The following NKAIN2 variants were observed in gnomAD, a reference collection of about 807,000 sequenced individuals.
The protein encoded by NKAIN2 is sodium/potassium transporting ATPase interacting 2.
A neutral mutation model predicts 32.6 loss-of-function variants in NKAIN2; 14 were observed. The observed-to-expected ratio is 0.43, with a 90% confidence interval of 0.28 to 0.67. NKAIN2 has a LOEUF of 0.67. Among genes scored for constraint, NKAIN2 ranks in the 30% least tolerant of loss-of-function variants. The pLI is 0.17. For synonymous variants in NKAIN2, 80 were observed against 87.2 expected (o/e 0.92, Z 0.46); for missense variants, 198 against 258.3 (o/e 0.77, Z 1.60).
intron 1 of NKAIN2, among the ~76,000 whole-genome samples, chr6:124,265,009 T>A (rs1794426111): frequency 6.6e-6 from 1 of 152,176 alleles, no homozygotes; most frequent in South Asian, 2.1e-4. Flanking sequence ...CAGGTCCACA[T>A]CCAAATTATA....
chr6:124,506,270 T>G (rs1778477870), intron 3 of NKAIN2, among the ~76,000 whole-genome samples: 1 of 152,238 alleles, frequency 6.6e-6, no homozygotes, highest in Admixed American at 6.5e-5. Context: ...AGGTGTTGAA[T>G]TCAAAAGTTA....
intron 1 of NKAIN2, among the ~76,000 whole-genome samples, chr6:124,131,223 C>T (rs983123512): frequency 2.6e-5 from 4 of 152,142 alleles, no homozygotes; most frequent in African/African-American, 4.8e-5. Context: ...TGGCTCACTG[C>T]AACCTCTGCC....
chr6:124,402,777 A>G (rs1317285036), intron 3 of NKAIN2, among the ~76,000 whole-genome samples: 1 of 152,184 alleles, frequency 6.6e-6, no homozygotes, highest in African/African-American at 2.4e-5. Flanking sequence ...CAAAGAAGGG[A>G]GTAACAGACA....
At chr6:124,231,865 A>ATG (rs966536106) in intron 1 of NKAIN2, among the ~76,000 whole-genome samples, 6 of 151,372 alleles carry the variant, frequency 4.0e-5, no homozygotes, top group African/African-American at 1.2e-4. Flanking sequence ...AAATATACAT[A>ATG]TATATATACT....
At chr6:124,638,887 CAAAAAA>C (rs35802663) in intron 3 of NKAIN2, among the ~76,000 whole-genome samples, 7 of 82,632 alleles carry the variant, frequency 8.5e-5, no homozygotes, top group African/African-American at 2.6e-4. Context: ...GAGACTCTGT[CAAAAAA>C]AAAAAAAAAA....
rs73565620 is a variant in NKAIN2, at chr6:124,279,642, C to A, written c.55-3363C>A. Among the ~76,000 whole-genome samples, 955 of 150,542 alleles carry A rather than the reference C, an allele frequency of 6.3e-3. 10 individuals are homozygous for A. The highest frequency in any genetic ancestry group is 0.022 in the African/African-American group (901 of 40,960). ...TGAACTGTAGGTCAGTTTATAGATA[C>A]AAAAATCCCAAATAAAATTTTATTT... On this transcript the variant is annotated intron_variant, in intron 1 of 6. Transcript: ENST00000368417.
chr6:124,689,753 C>T (rs1014665533), intron 4 of NKAIN2, among the ~76,000 whole-genome samples: 2 of 152,054 alleles, frequency 1.3e-5, no homozygotes, highest in Non-Finnish European at 2.9e-5. Flanking sequence ...GTTTCTGTAA[C>T]AAAGATTAGT....
chr6:124,772,425 A>G (rs760736699), intron 4 of NKAIN2, among the ~76,000 whole-genome samples: 11 of 152,188 alleles, frequency 7.2e-5, no homozygotes, highest in Non-Finnish European at 8.8e-5. Flanking sequence ...TGAGACACAC[A>G]GAGTTTTTCC....
chr6:124,643,501 T>C (rs1784063980), intron 3 of NKAIN2, among the ~76,000 whole-genome samples: 1 of 152,198 alleles, frequency 6.6e-6, no homozygotes, highest in Admixed American at 6.5e-5. Context: ...ACTTATCAAA[T>C]ACTTTCTTAT....
chr6:124,690,029 T>G (rs1406909649), intron 4 of NKAIN2, among the ~76,000 whole-genome samples: 2 of 152,166 alleles, frequency 1.3e-5, no homozygotes, highest in East Asian at 3.8e-4. Flanking sequence ...ATTGAATTCA[T>G]AGATCAAGTT....
At chr6:124,148,198 G>GTAATCACA (rs1294068701) in intron 1 of NKAIN2, among the ~76,000 whole-genome samples, 1 of 151,976 alleles carries the variant, frequency 6.6e-6, no homozygotes, top group East Asian at 1.9e-4. Context: ...TGTAGCATTA[G>GTAATCACA]AGAGTTTGCA....
intron 1 of NKAIN2, among the ~76,000 whole-genome samples, chr6:123,859,637 C>G (rs1298338219): frequency 6.6e-6 from 1 of 152,198 alleles, no homozygotes; most frequent in Non-Finnish European, 1.5e-5. Context: ...ATCTGTAACA[C>G]TCTCACATTC....
chr6:124,676,416 G>A (rs1773357609), intron 4 of NKAIN2, among the ~76,000 whole-genome samples: 1 of 151,944 alleles, frequency 6.6e-6, no homozygotes, highest in Admixed American at 6.6e-5. Flanking sequence ...TATTGAATGT[G>A]GGGTATTGAA....
intron 1 of NKAIN2, among the ~76,000 whole-genome samples, chr6:124,034,688 G>T (rs970277973): frequency 6.6e-6 from 1 of 151,966 alleles, no homozygotes; most frequent in African/African-American, 2.4e-5. Context: ...TCTTTGAGAA[G>T]TATCCATAGT....
intron 1 of NKAIN2, among the ~76,000 whole-genome samples, chr6:123,849,958 T>TG (rs1217052646): frequency 1.1e-5 from 1 of 87,108 alleles, no homozygotes; most frequent in Non-Finnish European, 2.4e-5. Context: ...GGTTTTTTTT[T>TG]TTTGTTTGTT....
intron 1 of NKAIN2, among the ~76,000 whole-genome samples, chr6:124,219,479 T>C (rs1296943992): frequency 1.3e-5 from 2 of 151,972 alleles, no homozygotes; most frequent in African/African-American, 4.8e-5. Context: ...GGTTTCACCA[T>C]GTTGGCCAGG....
chr6:124,706,754 C>G (rs950301427), intron 4 of NKAIN2, among the ~76,000 whole-genome samples: 1 of 152,122 alleles, frequency 6.6e-6, no homozygotes. Context: ...CTTAATCTGG[C>G]ATGTAATGAC....
chr6:124,140,183 CT>C (rs2114325756), intron 1 of NKAIN2, among the ~76,000 whole-genome samples: 1 of 152,274 alleles, frequency 6.6e-6, no homozygotes, highest in East Asian at 1.9e-4. Flanking sequence ...ATCTTTGCCC[CT>C]GAGACCTTCC....
At chr6:124,520,017 G>T (rs879216854) in intron 3 of NKAIN2, among the ~76,000 whole-genome samples, 1 of 152,126 alleles carries the variant, frequency 6.6e-6, no homozygotes, top group Admixed American at 6.5e-5. Flanking sequence ...AGGCAAACAT[G>T]CTCGAGCAAG....
Sources: gnomAD v4.1 joint callset for allele counts (sites outside exome capture counted in the v4.1 genomes callset) on GRCh38, gnomAD v4.1.1 for gene constraint, MANE v1.5 for transcripts, NCBI Gene and HGNC (gene_info 2026-07-23, HGNC 2026-07-21) for gene names.